ITPK1: variants seen among roughly 807,000 people sequenced by gnomAD.
ITPK1 encodes inositol-tetrakisphosphate 1-kinase.
A neutral mutation model predicts 45.3 loss-of-function variants in ITPK1; 21 were observed. The ratio of observed to expected loss-of-function variants is 0.46; its 90% confidence interval spans 0.33 to 0.67. ITPK1 has a LOEUF of 0.67. Ranked by LOEUF, ITPK1 falls within the 30% of genes least tolerant of loss-of-function variation. ITPK1 has a pLI of 0.02. For synonymous variants in ITPK1, 258 were observed against 253.6 expected, an observed-to-expected ratio of 1.02 and a Z score of -0.16; for missense variants, 474 against 573.5, an observed-to-expected ratio of 0.83 and a Z score of 1.77.
chr14:93,016,777 C>T lies in ITPK1; in HGVS notation c.145G>A (p.Glu49Lys), dbSNP rs1335769179. The T allele has an allele frequency of 6.2e-7, 1 of 1,613,966 alleles. No individual in the cohort carries two copies. Among genetic ancestry groups the T allele is most frequent in the Non-Finnish European group, 8.5e-7 (1 of 1,179,992 alleles). The change falls in exon 4 of 11, where the codon GAG (glutamate) becomes AAG (lysine). Residue 49 changes from glutamate to lysine, a missense_variant. Physicochemically the swap from Glu to Lys is moderately conservative, Grantham distance 56. Around this residue, in one of 2 missense-constraint regions of ITPK1, gnomAD observed 367 missense variants for 480.6 expected, o/e 0.76. Transcript: ENST00000267615. The surrounding 1 kb of genome is among the most constrained non-coding windows in gnomAD (Gnocchi z 5.0). ...VQLNLSRPIEEQGPLDVIIHK... is the reference protein window; with the variant it reads ...VQLNLSRPIEKQGPLDVIIHK... Reference sequence around the variant, plus strand: ...ATGATGACGTCCAGGGGGCCCTGCTCCTCGATCGGCCGGCTAAGGTTCAGC... The same window carrying T: ...ATGATGACGTCCAGGGGGCCCTGCTTCTCGATCGGCCGGCTAAGGTTCAGC...
chr14:92,950,794 C>T (rs1304749875), intron 9 of ITPK1, among the ~76,000 whole-genome samples: 1 of 152,260 alleles, frequency 6.6e-6, no homozygotes, highest in Non-Finnish European at 1.5e-5. Context: ...AAAGCCGTCT[C>T]TTGCACAGAA....
rs1027828475 is a variant in ITPK1 at position 92,941,369 on chromosome 14, A to C, written c.*192T>G. Reference sequence around the variant, plus strand: ...GGACGGCCCCACTCCCCAACGGTGGACCACCTGGTACTCTCTTCCATCCCC... The same window carrying C: ...GGACGGCCCCACTCCCCAACGGTGGCCCACCTGGTACTCTCTTCCATCCCC... On this transcript the variant is annotated 3_prime_UTR_variant, in exon 11 of 11. Coordinates refer to ENST00000267615, the MANE Select transcript of ITPK1 (RefSeq NM_014216.6). The C allele has an allele frequency of 7.1e-7, 1 of 1,412,600 alleles. No homozygotes were observed. Among genetic ancestry groups the C allele is most frequent in the Non-Finnish European group, 9.2e-7 (1 of 1,091,132 alleles). The allele number at this position is 1,412,600 out of a possible 1,614,324, so 87.5% of individuals were successfully genotyped here.
intron 2 of ITPK1, among the ~76,000 whole-genome samples, chr14:93,105,806 C>T (rs1394003604): frequency 2.0e-5 from 3 of 151,296 alleles, no homozygotes; most frequent in Non-Finnish European, 4.4e-5. Flanking sequence ...CGGGTTCAAG[C>T]GTTTCTCCTG....
Position 93,012,601 on chromosome 14 carries a change from G to T in ITPK1, c.246+4075C>A, listed in dbSNP as rs568271360. Among the ~76,000 whole-genome samples, 10 of 152,280 alleles carry T rather than the reference G, an allele frequency of 6.6e-5. No individual in the cohort carries two copies. The highest frequency in any genetic ancestry group is 3.3e-4 in the Admixed American group (5 of 15,300). On this transcript the variant is annotated intron_variant, in intron 4 of 10. Transcript: ENST00000267615. This position sits in a 1 kb window ranked among gnomAD's most constrained non-coding sequence, Gnocchi z 4.9. ...TTCCTAACTCATCACTTTAGGGGCC[G>T]TGAGGTCAGTTCTGGGTCTGCCTGC...
chr14:92,954,764 A>G (rs1219664933), intron 8 of ITPK1, among the ~76,000 whole-genome samples: 2 of 152,130 alleles, frequency 1.3e-5, no homozygotes, highest in African/African-American at 4.8e-5. Flanking sequence ...TGGGAGGCGA[A>G]GGGGATGGGG....
intron 4 of ITPK1, among the ~76,000 whole-genome samples, chr14:93,000,773 T>C (rs1887295429): frequency 6.8e-6 from 1 of 146,972 alleles, no homozygotes; most frequent in African/African-American, 2.6e-5. Context: ...GGTCAGGAGT[T>C]TGAAACCAGA....
intron 3 of ITPK1, among the ~76,000 whole-genome samples, chr14:93,041,563 C>T (rs1190593674): frequency 2.0e-5 from 3 of 152,358 alleles, no homozygotes; most frequent in African/African-American, 7.2e-5. Flanking sequence ...AGGCTGTTCA[C>T]CCAGAGAAGC....
chr14:93,086,371 T>G (rs1453589420), intron 2 of ITPK1, among the ~76,000 whole-genome samples: 1 of 152,240 alleles, frequency 6.6e-6, no homozygotes, highest in Admixed American at 6.5e-5. Flanking sequence ...GCCTGAGGGC[T>G]GGGGGCAGCT....
chr14:92,942,144 G>A (rs1887461950), intron 10 of ITPK1, among the ~76,000 whole-genome samples: 1 of 152,210 alleles, frequency 6.6e-6, no homozygotes, highest in South Asian at 2.1e-4. Flanking sequence ...GGTGTGAGAA[G>A]CTGAAGAACC....
intron 5 of ITPK1, among the ~76,000 whole-genome samples, chr14:92,977,805 T>C (rs971151466): frequency 2.6e-5 from 4 of 151,936 alleles, no homozygotes; most frequent in Admixed American, 6.6e-5. Context: ...TAAAACTCTT[T>C]TCTTCATAAA....
chr14:93,030,267 T>A (rs561001466), intron 3 of ITPK1, among the ~76,000 whole-genome samples: 3 of 152,350 alleles, frequency 2.0e-5, no homozygotes, highest in Admixed American at 6.5e-5. Flanking sequence ...CAGCCACCCT[T>A]CTTGCTTCTG....
Position 93,032,815 on chromosome 14 carries a change from C to G in ITPK1, c.121-16014G>C, listed in dbSNP as rs748497761. ...GGCCATCGCACTCTGCAGACTGCAGCGTACTCCACAGCTCTGAGCAGCTGC... is the reference window on the plus strand; with the variant it reads ...GGCCATCGCACTCTGCAGACTGCAGGGTACTCCACAGCTCTGAGCAGCTGC... On this transcript the variant is annotated intron_variant, in intron 3 of 10. Coordinates refer to ENST00000267615, the MANE Select transcript of ITPK1 (RefSeq NM_014216.6). This position sits in a 1 kb window ranked among gnomAD's most constrained non-coding sequence, Gnocchi z 4.0. 7.9e-5 allele frequency among the ~76,000 whole-genome samples: 12 copies of G among 152,226 alleles called. No individual in the cohort carries two copies. The highest frequency in any genetic ancestry group is 2.0e-4 in the Admixed American group (3 of 15,284).
At chr14:92,969,867 G>C (rs908400347) in intron 5 of ITPK1, among the ~76,000 whole-genome samples, 3 of 152,152 alleles carry the variant, frequency 2.0e-5, no homozygotes, top group Non-Finnish European at 4.4e-5. Flanking sequence ...CAGCCCCTGG[G>C]AAACGGAAAT....
chr14:93,052,849 G>A (rs1032934345), intron 3 of ITPK1, among the ~76,000 whole-genome samples: 4 of 151,924 alleles, frequency 2.6e-5, no homozygotes, highest in Non-Finnish European at 5.9e-5. Flanking sequence ...CTTGGAAAGC[G>A]CTCTGGTGGC....
chr14:93,038,128 C>T (rs532718660), intron 3 of ITPK1, among the ~76,000 whole-genome samples: 1 of 152,108 alleles, frequency 6.6e-6, no homozygotes, highest in Admixed American at 6.5e-5. Flanking sequence ...TCTCAGCTCA[C>T]TGCAACCTCT....
At chr14:93,102,357 G>C (rs928804197) in intron 2 of ITPK1, among the ~76,000 whole-genome samples, 3 of 152,378 alleles carry the variant, frequency 2.0e-5, no homozygotes, top group African/African-American at 7.2e-5. Flanking sequence ...TCTCCAACAC[G>C]ATCCCAATGC....
chr14:93,115,346 C>A (rs1204855008), intron 1 of ITPK1, 41 bp from the exon 2 acceptor site: 1 of 254,964 alleles, frequency 3.9e-6, no homozygotes, highest in Non-Finnish European at 7.3e-6. Context: ...CGGCGGGCGG[C>A]CGGGAGGAGG....
intron 5 of ITPK1, among the ~76,000 whole-genome samples, chr14:92,974,823 G>A (rs1330391592): frequency 2.6e-5 from 4 of 152,268 alleles, no homozygotes; most frequent in Admixed American, 2.0e-4. Context: ...CAGCAGGACT[G>A]GGTGCTGCCC....
At chr14:93,084,808 C>A (rs1345764181) in intron 2 of ITPK1, among the ~76,000 whole-genome samples, 1 of 152,188 alleles carries the variant, frequency 6.6e-6, no homozygotes, top group East Asian at 1.9e-4. Context: ...TCTGCCTTTG[C>A]ACAAACTGAT....
Sources: allele counts gnomAD v4.1 joint callset (sites outside exome capture counted in the v4.1 genomes callset), GRCh38; gene constraint gnomAD v4.1.1; regional missense constraint gnomAD v4.1.1; non-coding constraint Gnocchi (gnomAD v3.1); transcripts MANE v1.5; gene names NCBI Gene and HGNC (gene_info 2026-07-23, HGNC 2026-07-21).